The following SMYD3 variants were observed in gnomAD, a reference collection of about 807,000 sequenced individuals.
SMYD3 encodes the protein histone-lysine N-methyltransferase SMYD3.
In SMYD3, 36 loss-of-function variants were observed where a neutral mutation model predicts 57.7. The ratio of observed to expected loss-of-function variants is 0.62; its 90% CI spans 0.48 to 0.82. The LOEUF (loss-of-function observed/expected upper bound fraction) is 0.82, where lower values mean the gene tolerates loss of function less well. Among genes scored for constraint, SMYD3 ranks in the 40% least tolerant of loss-of-function variants. SMYD3 has a pLI of 0.00. For missense variants in SMYD3, 515 were observed against 538.8 expected (o/e 0.96, Z 0.44); for synonymous variants, 211 against 195.0 (o/e 1.08, Z -0.68).
intron 5 of SMYD3, among the ~76,000 whole-genome samples, chr1:246,134,807 T>C (rs374155218): frequency 0.014 from 644 of 47,250 alleles, 3 homozygotes; most frequent in African/African-American, 0.018. Flanking sequence ...TTCCCCCCCC[T>C]GCCGCTTTTA....
chr1:246,016,309 G>A (rs988395766), intron 5 of SMYD3, among the ~76,000 whole-genome samples: 15 of 151,908 alleles, frequency 9.9e-5, no homozygotes, highest in African/African-American at 2.2e-4. Flanking sequence ...CTGGCTGGGC[G>A]CGGTGGCTCA....
chr1:245,965,938 G>A (rs1351655453), intron 5 of SMYD3, among the ~76,000 whole-genome samples: 1 of 152,170 alleles, frequency 6.6e-6, no homozygotes, highest in Non-Finnish European at 1.5e-5. Flanking sequence ...GTACCAATCT[G>A]GTTTGGGATG....
chr1:245,841,743 T>A (rs1159215979), intron 10 of SMYD3, among the ~76,000 whole-genome samples: 1 of 152,190 alleles, frequency 6.6e-6, no homozygotes, highest in Non-Finnish European at 1.5e-5. Context: ...CATATAGGAA[T>A]TGTTCAAATG....
chr1:246,200,559 TA>T (rs2062904628), intron 5 of SMYD3, among the ~76,000 whole-genome samples: 1 of 122,356 alleles, frequency 8.2e-6, no homozygotes, highest in African/African-American at 5.8e-5. Flanking sequence ...ATAGAGAAGA[TA>T]GAGGAGAACA....
At chr1:246,116,527 C>A (rs1381551060) in intron 5 of SMYD3, among the ~76,000 whole-genome samples, 1 of 152,152 alleles carries the variant, frequency 6.6e-6, no homozygotes, top group African/African-American at 2.4e-5. Context: ...TGAAAAGAGG[C>A]ACTAGTTTCC....
At chr1:245,771,098 A>T (rs1300373919) in intron 10 of SMYD3, among the ~76,000 whole-genome samples, 1 of 151,948 alleles carries the variant, frequency 6.6e-6, no homozygotes, top group African/African-American at 2.4e-5. Context: ...ATACCCACAT[A>T]TATACATACA....
chr1:245,893,066 C>G (rs2105249), intron 8 of SMYD3, among the ~76,000 whole-genome samples: 151,482 of 152,380 alleles, frequency 0.99, 75,303 homozygotes, highest in Middle Eastern at 1. Context: ...AAGATTTGAA[C>G]AGATATATCA....
At chr1:246,363,992 T>C (rs1348563167) in intron 1 of SMYD3, among the ~76,000 whole-genome samples, 1 of 151,758 alleles carries the variant, frequency 6.6e-6, no homozygotes, top group Non-Finnish European at 1.5e-5. Flanking sequence ...GAGAAGTCAA[T>C]GTGGTGCTGG....
intron 5 of SMYD3, among the ~76,000 whole-genome samples, chr1:246,173,659 A>G (rs1263886852): frequency 2.0e-5 from 3 of 152,228 alleles, no homozygotes; most frequent in African/African-American, 4.8e-5. Context: ...CGGGGTCATG[A>G]ATAGCACTGT....
intron 5 of SMYD3, among the ~76,000 whole-genome samples, chr1:246,063,626 C>T (rs1176853762): frequency 7.1e-6 from 1 of 140,670 alleles, no homozygotes; most frequent in Non-Finnish European, 1.5e-5. Flanking sequence ...TCCTTCCCTT[C>T]CTCCCTCTCT....
At chr1:245,914,364 A>G (rs1364485347) in intron 8 of SMYD3, among the ~76,000 whole-genome samples, 1 of 152,250 alleles carries the variant, frequency 6.6e-6, no homozygotes, top group Non-Finnish European at 1.5e-5. Flanking sequence ...CTAAGATGAA[A>G]TCAACCTCTA....
chr1:246,505,645 A>C (rs957102331), intron 1 of SMYD3, among the ~76,000 whole-genome samples: 3 of 143,192 alleles, frequency 2.1e-5, no homozygotes, highest in Admixed American at 1.4e-4. Flanking sequence ...TCTTTCATTA[A>C]ATTCCTTTTT....
At chr1:246,043,168 T>C (rs974389240) in intron 5 of SMYD3, among the ~76,000 whole-genome samples, 2 of 152,218 alleles carry the variant, frequency 1.3e-5, no homozygotes, top group African/African-American at 2.4e-5. Context: ...TTAACTCTGC[T>C]TCATCTACTA....
intron 5 of SMYD3, among the ~76,000 whole-genome samples, chr1:246,174,603 C>T (rs577753582): frequency 7.9e-5 from 12 of 152,150 alleles, no homozygotes; most frequent in Non-Finnish European, 1.8e-4. Flanking sequence ...CATGCCACCA[C>T]GCCTGACTAA....
intron 5 of SMYD3, among the ~76,000 whole-genome samples, chr1:246,221,437 C>T (rs1251824392): frequency 2.0e-5 from 3 of 152,202 alleles, no homozygotes; most frequent in Non-Finnish European, 2.9e-5. Flanking sequence ...AAACATGCCC[C>T]TTGCTCGCCA....
At chr1:246,187,018 G>T in intron 5 of SMYD3, 2 of 773,792 alleles carry the variant, frequency 2.6e-6, no homozygotes, top group Non-Finnish European at 1.6e-6. Context: ...AAGTAGGTGT[G>T]ATGTGCTAGA....
At chr1:246,350,841 A>C (rs2065810514) in intron 2 of SMYD3, among the ~76,000 whole-genome samples, 3 of 152,224 alleles carry the variant, frequency 2.0e-5, no homozygotes, top group Non-Finnish European at 2.9e-5. Context: ...GGCTCCAGAC[A>C]CCTGTGGAGG....
intron 10 of SMYD3, among the ~76,000 whole-genome samples, chr1:245,809,511 C>A (rs143203504): frequency 6.6e-6 from 1 of 152,188 alleles, no homozygotes; most frequent in African/African-American, 2.4e-5. Context: ...AAGTGCCCCT[C>A]CCTGAGAACC....
chr1:245,896,796 G>A (rs1019181778), intron 8 of SMYD3, among the ~76,000 whole-genome samples: 4 of 152,162 alleles, frequency 2.6e-5, no homozygotes, highest in African/African-American at 4.8e-5. Context: ...AGCATCACCG[G>A]GGCGCAAGAG....
Sources: gnomAD v4.1 joint callset for allele counts (sites outside exome capture counted in the v4.1 genomes callset) on GRCh38, gnomAD v4.1.1 for gene constraint, MANE v1.5 for transcripts, NCBI Gene and HGNC (gene_info 2026-07-23, HGNC 2026-07-21) for gene names.